The following SIPA1L3 variants were observed in gnomAD, a reference collection of about 807,000 sequenced individuals.
SIPA1L3 encodes the protein signal-induced proliferation-associated 1-like protein 3.
In SIPA1L3, 59 loss-of-function variants were observed where a neutral mutation model predicts 150.1. That is an observed-to-expected ratio of 0.39 (90% CI 0.32 to 0.49). The LOEUF (loss-of-function observed/expected upper bound fraction) is 0.49, where lower values mean the gene tolerates loss of function less well. SIPA1L3 is among the 20% of genes least tolerant of loss of function. The pLI is 0.86. For missense variants in SIPA1L3, 2,211 were observed against 2,489.5 expected (o/e 0.89, Z 2.38); for synonymous variants, 1,070 against 1,077.6 (o/e 0.99, Z 0.14).
At chr19:38,094,831 C>A (rs998481071) in intron 4 of SIPA1L3, among the ~76,000 whole-genome samples, 2 of 152,092 alleles carry the variant, frequency 1.3e-5, no homozygotes, top group Non-Finnish European at 2.9e-5. Flanking sequence ...CTTTTGGAGG[C>A]CTACGCAGGT....
chr19:38,091,784 G>A (rs548874028), intron 4 of SIPA1L3, among the ~76,000 whole-genome samples: 31 of 152,278 alleles, frequency 2.0e-4, no homozygotes, highest in African/African-American at 7.2e-4. Flanking sequence ...TAGGCGGGGC[G>A]TGGAGGCTCA....
chr19:37,935,219 T>C (rs1165071053), intron 1 of SIPA1L3, among the ~76,000 whole-genome samples: 1 of 152,166 alleles, frequency 6.6e-6, no homozygotes, highest in African/African-American at 2.4e-5. Flanking sequence ...ATTAATAGAT[T>C]CATCACACTT....
chr19:38,131,644 G>GT (rs1487608798), intron 10 of SIPA1L3: 3 of 157,384 alleles, frequency 1.9e-5, no homozygotes, highest in Non-Finnish European at 2.6e-5. Flanking sequence ...TTTGTTTTTT[G>GT]TTTTTTTAGA....
Position 38,192,149 on chromosome 19 carries a change from G to T in SIPA1L3, c.4435G>T (p.Val1479Leu). Residue 1479 changes from valine (V) to leucine (L), a missense_variant, in exon 17 of 22, where the codon GTG becomes TTG. By Grantham distance (32) the Val-to-Leu change is conservative. Around this residue, in one of 5 missense-constraint regions of SIPA1L3, gnomAD observed 806 missense variants for 870.1 expected, o/e 0.93. Coordinates refer to ENST00000222345, the MANE Select transcript of SIPA1L3 (RefSeq NM_015073.3). ...PLPFSDPKKQ[V>L]DTNTKNVFGQ... ...ACCCTGACGCTGTCATTCCAGGCAG[G>T]TGGACACGAACACCAAAAATGTCTT... 1 of 1,603,186 alleles carries T rather than the reference G, an allele frequency of 6.2e-7. No individual in the cohort carries two copies. Among genetic ancestry groups the T allele is most frequent in the Non-Finnish European group, 8.5e-7 (1 of 1,175,126 alleles).
chr19:37,953,321 C>T (rs2046781281), intron 1 of SIPA1L3, among the ~76,000 whole-genome samples: 1 of 152,180 alleles, frequency 6.6e-6, no homozygotes, highest in Non-Finnish European at 1.5e-5. Flanking sequence ...CATCATGTTT[C>T]AGGAGGAATT....
chr19:38,181,975 A>C (rs1600180427), intron 15 of SIPA1L3, among the ~76,000 whole-genome samples: 1 of 152,008 alleles, frequency 6.6e-6, no homozygotes, highest in South Asian at 2.1e-4. Flanking sequence ...ACATAGTGAA[A>C]CCCCATCTCT....
At chr19:38,173,665 C>G (rs1972377743) in intron 15 of SIPA1L3, 1 of 152,234 alleles carries the variant, frequency 6.6e-6, no homozygotes, top group African/African-American at 2.4e-5. Flanking sequence ...GGGACACAGC[C>G]CTGAAAGGTA....
At chr19:38,171,576 A>G (rs1360325463) in intron 15 of SIPA1L3, among the ~76,000 whole-genome samples, 4 of 151,648 alleles carry the variant, frequency 2.6e-5, no homozygotes, top group Admixed American at 2.6e-4. Flanking sequence ...TATTTATAGT[A>G]GAGACAGGGT....
At chr19:38,051,563 C>T (rs1185838692) in intron 2 of SIPA1L3, among the ~76,000 whole-genome samples, 1 of 152,070 alleles carries the variant, frequency 6.6e-6, no homozygotes, top group African/African-American at 2.4e-5. Flanking sequence ...GAATACAGAC[C>T]TGTTGGTTTT....
rs903808972 is a variant in SIPA1L3, at chr19:38,046,256, C to T, written c.-311+17100C>T. On this transcript the variant is annotated intron_variant, in intron 2 of 21. Coordinates refer to ENST00000222345, the MANE Select transcript of SIPA1L3 (RefSeq NM_015073.3). The surrounding 1 kb of genome is among the most constrained non-coding windows in gnomAD (Gnocchi z 5.6). ...CCCGAGAAACAGGTCACAGCAGCCC[C>T]GCCTCCTCCATAGACCTCCAGGCCT... Among the ~76,000 whole-genome samples, 16 of 152,260 alleles carry T rather than the reference C, an allele frequency of 1.1e-4. No individual in the cohort carries two copies. Among genetic ancestry groups the T allele is most frequent in the African/African-American group, 2.6e-4 (11 of 41,554 alleles).
At chr19:38,090,357 C>T (rs1228961133) in intron 4 of SIPA1L3, among the ~76,000 whole-genome samples, 3 of 150,302 alleles carry the variant, frequency 2.0e-5, no homozygotes. Context: ...AAGGCTTACA[C>T]TGATTTATCT....
chr19:38,119,479 A>G lies in SIPA1L3; in HGVS notation c.2465A>G (p.Gln822Arg). Residue 822 changes from glutamine to arginine, a missense_variant, in exon 9 of 22, where the codon CAG becomes CGG. Gln to Arg is a conservative substitution (Grantham distance 43). Around this residue, in one of 5 missense-constraint regions of SIPA1L3, gnomAD observed 625 missense variants for 804.2 expected, o/e 0.78. Transcript: ENST00000222345. ...KFHTMATRTR[Q>R]EYLKDLAENC... ...CACACCATGGCCACCAGGACCCGCC[A>G]GGAGTATCTCAAGGACCTGGCCGAA... 1 of 1,614,192 alleles carries G rather than the reference A, an allele frequency of 6.2e-7. No homozygotes were observed. The highest frequency in any genetic ancestry group is 8.5e-7 in the Non-Finnish European group (1 of 1,180,034).
chr19:37,956,856 T>C (rs1350171248), intron 1 of SIPA1L3, among the ~76,000 whole-genome samples: 1 of 152,240 alleles, frequency 6.6e-6, no homozygotes, highest in African/African-American at 2.4e-5. Context: ...TTTGGTATTA[T>C]ATTTAAGAAC....
intron 13 of SIPA1L3, among the ~76,000 whole-genome samples, chr19:38,160,916 A>G (rs1308001884): frequency 1.3e-5 from 2 of 152,268 alleles, no homozygotes; most frequent in Non-Finnish European, 2.9e-5. Context: ...GTGCAATACT[A>G]TTAGGGTAAC....
intron 1 of SIPA1L3, among the ~76,000 whole-genome samples, chr19:37,930,127 C>T (rs1056462909): frequency 2.6e-5 from 4 of 151,134 alleles, no homozygotes; most frequent in South Asian, 4.2e-4. Context: ...CTGGTTCAAG[C>T]GATTCTCCTG....
At chr19:38,136,025 C>T (rs1311766268) in intron 10 of SIPA1L3, among the ~76,000 whole-genome samples, 1 of 151,712 alleles carries the variant, frequency 6.6e-6, no homozygotes, top group Non-Finnish European at 1.5e-5. Context: ...CCCCAGGCCA[C>T]AAGGCTGGAG....
intron 12 of SIPA1L3, among the ~76,000 whole-genome samples, chr19:38,150,658 C>T (rs1437814759): frequency 2.0e-5 from 3 of 151,916 alleles, no homozygotes; most frequent in African/African-American, 7.3e-5. Flanking sequence ...CCTGCCTCAG[C>T]CTCCCAAGTA....
chr19:37,924,808 G>T (rs1363338351), intron 1 of SIPA1L3, among the ~76,000 whole-genome samples: 2 of 151,880 alleles, frequency 1.3e-5, no homozygotes, highest in Non-Finnish European at 2.9e-5. Context: ...CAGCACTTTC[G>T]GAGCCTGAAG....
At chr19:38,114,896 T>G (rs1424149007) in intron 8 of SIPA1L3, among the ~76,000 whole-genome samples, 2 of 152,220 alleles carry the variant, frequency 1.3e-5, no homozygotes, top group African/African-American at 4.8e-5. Context: ...GCATGTGCCC[T>G]GTCCTCCCGT....
Sources: gnomAD v4.1 joint callset for allele counts (sites outside exome capture counted in the v4.1 genomes callset) on GRCh38, gnomAD v4.1.1 for gene constraint, gnomAD v4.1.1 regional missense constraint, Gnocchi (gnomAD v3.1) non-coding constraint, MANE v1.5 for transcripts, NCBI Gene and HGNC (gene_info 2026-07-23, HGNC 2026-07-21) for gene names.